Variants in ATP8A1 observed in about 807,000 individuals in gnomAD.
ATP8A1 encodes ATPase phospholipid transporting 8A1, also known as phospholipid-transporting ATPase IA.
In ATP8A1, 90 loss-of-function variants were observed where a neutral mutation model predicts 177.7. The observed-to-expected ratio is 0.51, with a 90% confidence interval of 0.43 to 0.60. The LOEUF (loss-of-function observed/expected upper bound fraction) is 0.60, where lower values mean the gene tolerates loss of function less well. Ranked by LOEUF, ATP8A1 falls within the 20% of genes least tolerant of loss-of-function variation. ATP8A1 has a pLI of 0.00. For synonymous variants in ATP8A1, 493 were observed against 485.9 expected (o/e 1.01, Z -0.19); for missense variants, 1,072 against 1,392.8 (o/e 0.77, Z 3.67).
chr4:42,481,372 C>T (rs1721651604), intron 25 of ATP8A1, among the ~76,000 whole-genome samples: 1 of 152,200 alleles, frequency 6.6e-6, no homozygotes, highest in Non-Finnish European at 1.5e-5. Flanking sequence ...CTTTTATTTG[C>T]TTCCTATATC....
chr4:42,626,653 C>A, intron 2 of ATP8A1: 2 of 261,684 alleles, frequency 7.6e-6, no homozygotes, highest in South Asian at 4.9e-5. Context: ...TTGCAAAGAC[C>A]TCTTCTAAAA....
chr4:42,637,131 G>A, intron 1 of ATP8A1: 1 of 518,966 alleles, frequency 1.9e-6, no homozygotes, highest in South Asian at 1.4e-5. Context: ...GCTAAGCCCT[G>A]TTCCCTGTAC....
At position 42,656,981 on chromosome 4, in the gene ATP8A1, G is replaced by T; in HGVS notation, c.-108C>A. 8.4e-7 allele frequency: 1 copy of T among 1,185,262 alleles called. No individual in the cohort carries two copies. The allele number at this position is 1,185,262 out of a possible 1,614,324, so 73.4% of individuals were successfully genotyped here. On this transcript the variant is annotated 5_prime_UTR_variant, in exon 1 of 37. Transcript: ENST00000381668. ...GCGCAGAGCGCTCAGCTGCAGCCTG[G>T]GCCGCGCCGCCGCCCACCTAGGGCA...
intron 20 of ATP8A1, among the ~76,000 whole-genome samples, chr4:42,525,395 CAGA>C (rs1025059106): frequency 1.3e-4 from 19 of 149,580 alleles, no homozygotes; most frequent in African/African-American, 4.4e-4. Context: ...CCAGTGCTCA[CAGA>C]AGAACAAACT....
At chr4:42,542,639 A>G (rs1004862004) in intron 20 of ATP8A1, among the ~76,000 whole-genome samples, 6 of 151,742 alleles carry the variant, frequency 4.0e-5, no homozygotes, top group African/African-American at 1.5e-4. Context: ...TCCCGTGTCC[A>G]TGTGTTCTCA....
intron 1 of ATP8A1, among the ~76,000 whole-genome samples, chr4:42,643,261 G>A (rs1272114990): frequency 6.6e-6 from 1 of 152,196 alleles, no homozygotes; most frequent in African/African-American, 2.4e-5. Flanking sequence ...GAGAAAAGAA[G>A]ATGAGGGAAA....
chr4:42,635,816 T>C (rs1231103164), intron 1 of ATP8A1, among the ~76,000 whole-genome samples: 1 of 127,492 alleles, frequency 7.8e-6, no homozygotes, highest in African/African-American at 2.9e-5. Context: ...TATATACACA[T>C]GTATGTATGT....
At chr4:42,443,915 A>T (rs1716920626) in intron 32 of ATP8A1, among the ~76,000 whole-genome samples, 1 of 151,986 alleles carries the variant, frequency 6.6e-6, no homozygotes, top group Non-Finnish European at 1.5e-5. Flanking sequence ...CTTTTTTGGT[A>T]GTTTTCTCCT....
intron 25 of ATP8A1, chr4:42,472,096 C>T: frequency 2.8e-6 from 2 of 705,786 alleles, no homozygotes. Context: ...GTCTTTATTG[C>T]TCAGAGGAGA....
At position 42,625,472 on chromosome 4, in the gene ATP8A1, A is replaced by C. The variant is rs867679121; in HGVS notation, c.264+142T>G. On this transcript the variant is annotated intron_variant, in intron 3 of 36. Coordinates refer to ENST00000381668, the MANE Select transcript of ATP8A1 (RefSeq NM_006095.2). ...AAGGCTGGAAAAGGTAGTGGATTCC[A>C]ACACTGCTTGCAGCAGGAGCCAGAA... The C allele has an allele frequency of 1.8e-5, 9 of 511,778 alleles. No homozygotes were observed. The South Asian group carries it at 3.3e-4, about 19-fold the overall frequency. 31.7% of individuals were successfully genotyped at this position (511,778 alleles called of 1,614,324 possible).
rs1401907442 is a variant in ATP8A1, at chr4:42,410,063, A to T, written c.*2853T>A. 2 of 152,214 alleles carry T rather than the reference A, an allele frequency of 1.3e-5. No individual in the cohort carries two copies. Among genetic ancestry groups the T allele is most frequent in the African/African-American group, 4.8e-5 (2 of 41,460 alleles). The allele number at this position is 152,214 out of a possible 1,614,324, so 9.4% of individuals were successfully genotyped here. ...AGTCTCACATTAGAGCACAGAGTGG[A>T]GGTGGGAGGACGGGAAGTACATATA... is the stretch of plus-strand genomic sequence containing the variant. On this transcript the variant is annotated 3_prime_UTR_variant, in exon 37 of 37. Transcript: ENST00000381668.
chr4:42,518,679 T>C (rs1725815175), intron 22 of ATP8A1, among the ~76,000 whole-genome samples: 1 of 152,344 alleles, frequency 6.6e-6, no homozygotes, highest in African/African-American at 2.4e-5. Flanking sequence ...CTAAGTCCAA[T>C]AATGACATGC....
chr4:42,631,911 T>G (rs1381673152), intron 1 of ATP8A1, among the ~76,000 whole-genome samples: 1 of 152,180 alleles, frequency 6.6e-6, no homozygotes, highest in African/African-American at 2.4e-5. Context: ...GGCCCACAAG[T>G]ACAGACACAC....
intron 33 of ATP8A1, among the ~76,000 whole-genome samples, chr4:42,430,710 A>G (rs147278758): frequency 9.1e-4 from 138 of 152,216 alleles, no homozygotes; most frequent in Non-Finnish European, 1.7e-3. Flanking sequence ...GCTCCCGCTT[A>G]TAAGTGAGAA....
chr4:42,526,636 C>T (rs1241121540), intron 20 of ATP8A1, among the ~76,000 whole-genome samples: 2 of 152,162 alleles, frequency 1.3e-5, no homozygotes, highest in Admixed American at 6.6e-5. Flanking sequence ...GCTCTCCTTG[C>T]TCCTCAGCCT....
intron 27 of ATP8A1, among the ~76,000 whole-genome samples, chr4:42,459,196 G>A (rs1027122816): frequency 7.2e-5 from 11 of 152,178 alleles, no homozygotes; most frequent in African/African-American, 2.4e-4. Context: ...AATTTGATCA[G>A]TGTCAAATAT....
At chr4:42,543,099 A>AT (rs1728572457) in intron 20 of ATP8A1, among the ~76,000 whole-genome samples, 1 of 152,224 alleles carries the variant, frequency 6.6e-6, no homozygotes. Context: ...TAATTCTACC[A>AT]AAATGCTTTA....
In ATP8A1 at chr4:42,600,505, A is replaced by C. The variant is rs1420491897; in HGVS notation, c.423T>G (p.Gly141=). Residue 141 remains glycine (G), a synonymous_variant, in exon 6 of 37, where the codon GGT becomes GGG. Transcript: ENST00000381668. ...TTTCCCAGTGGACAATTTCCCAAGCACCATTTCTCAAAACTGGAAAGAGAA... is the reference window on the plus strand; with the variant it reads ...TTTCCCAGTGGACAATTTCCCAAGCCCCATTTCTCAAAACTGGAAAGAGAA... ...NKKQTQVLRN[G]AWEIVHWEKV... is the part of the protein sequence containing the mutation. 1 of 1,609,642 alleles carries C rather than the reference A, an allele frequency of 6.2e-7. No individual in the cohort carries two copies. The highest frequency in any genetic ancestry group is 8.5e-7 in the Non-Finnish European group (1 of 1,178,570).
At chr4:42,511,169 C>A (rs1178450645) in intron 22 of ATP8A1, among the ~76,000 whole-genome samples, 1 of 152,130 alleles carries the variant, frequency 6.6e-6, no homozygotes, top group Non-Finnish European at 1.5e-5. Flanking sequence ...GCCCTGGTAT[C>A]ATTTATGGTG....
Sources: allele counts gnomAD v4.1 joint callset (sites outside exome capture counted in the v4.1 genomes callset), GRCh38; gene constraint gnomAD v4.1.1; transcripts MANE v1.5; gene names NCBI Gene and HGNC (gene_info 2026-07-23, HGNC 2026-07-21).